CDH22: variants seen among roughly 807,000 people sequenced by gnomAD.
The protein encoded by CDH22 is cadherin 22, also known as cadherin-22.
In CDH22, 30 loss-of-function variants were observed where a neutral mutation model predicts 58.4. That is an observed-to-expected ratio of 0.51 (90% CI 0.38 to 0.70). CDH22 has a LOEUF of 0.70. Ranked by LOEUF, CDH22 falls within the 30% of genes least tolerant of loss-of-function variation. CDH22 has a pLI of 0.00. For missense variants in CDH22, 1,014 were observed against 1,233.9 expected (o/e 0.82, Z 2.67); for synonymous variants, 513 against 558.2 (o/e 0.92, Z 1.14).
At chr20:46,277,651 G>A (rs6032742) in intron 1 of CDH22, among the ~76,000 whole-genome samples, 10 of 152,144 alleles carry the variant, frequency 6.6e-5, no homozygotes, top group African/African-American at 2.2e-4. Context: ...AGGGGGGTGA[G>A]TTTGGAGGAG....
intron 1 of CDH22, among the ~76,000 whole-genome samples, chr20:46,266,180 C>T (rs994139392): frequency 1.3e-5 from 2 of 152,202 alleles, no homozygotes; most frequent in Non-Finnish European, 2.9e-5. Flanking sequence ...GTCCTTTGTC[C>T]TCACACATCC....
chr20:46,306,539 C>T (rs1261907238), intron 1 of CDH22, among the ~76,000 whole-genome samples: 1 of 152,196 alleles, frequency 6.6e-6, no homozygotes, highest in Non-Finnish European at 1.5e-5. Flanking sequence ...GAAGGGCACA[C>T]AGACATCTCC....
At chr20:46,271,631 G>C (rs1209230552) in intron 1 of CDH22, among the ~76,000 whole-genome samples, 1 of 151,894 alleles carries the variant, frequency 6.6e-6, no homozygotes, top group East Asian at 1.9e-4. Flanking sequence ...TGACTGCCAT[G>C]TTGCTAAATC....
intron 1 of CDH22, among the ~76,000 whole-genome samples, chr20:46,285,172 G>C (rs896650455): frequency 1.3e-5 from 2 of 152,244 alleles, no homozygotes; most frequent in African/African-American, 4.8e-5. Context: ...CTGTGGACCA[G>C]GTTGCAGCAT....
intron 3 of CDH22, among the ~76,000 whole-genome samples, chr20:46,229,223 A>G (rs1053147187): frequency 6.6e-6 from 1 of 151,706 alleles, no homozygotes; most frequent in East Asian, 2.0e-4. Context: ...CTCATGACAC[A>G]CTGGCTTCAC....
At chr20:46,245,744 A>T (rs2086323734) in intron 2 of CDH22, among the ~76,000 whole-genome samples, 1 of 152,238 alleles carries the variant, frequency 6.6e-6, no homozygotes, top group South Asian at 2.1e-4. Flanking sequence ...CTTAAATCCC[A>T]GGTACAGATG....
intron 8 of CDH22, among the ~76,000 whole-genome samples, chr20:46,196,952 G>C (rs1031845557): frequency 1.3e-5 from 2 of 152,126 alleles, no homozygotes; most frequent in Non-Finnish European, 2.9e-5. Context: ...GTGAGGAGTG[G>C]GCAGGGGCTG....
chr20:46,270,957 C>T (rs371574434), intron 1 of CDH22, among the ~76,000 whole-genome samples: 1 of 152,296 alleles, frequency 6.6e-6, no homozygotes, highest in South Asian at 2.1e-4. Context: ...GAACAGGAAT[C>T]CCAGGTTCGT....
chr20:46,241,028 T>C lies in CDH22; in HGVS notation c.485A>G (p.Asn162Ser), dbSNP rs1161407054. Residue 162 changes from asparagine (N) to serine (S), a missense_variant, in exon 3 of 12, where the codon AAT becomes AGT. Around this residue, in one of 2 missense-constraint regions of CDH22, gnomAD observed 806 missense variants for 1,038.7 expected, o/e 0.78. Transcript: ENST00000537909. The surrounding 1 kb of genome is among the most constrained non-coding windows in gnomAD (Gnocchi z 5.2). ...SEFIIKVQDI[N>S]DSEPRFLHGP... ...GTGCAGGAAGCGGGGCTCACTGTCATTGATGTCCTGCACCTTGATGATGAA... is the reference window on the plus strand; with the variant it reads ...GTGCAGGAAGCGGGGCTCACTGTCACTGATGTCCTGCACCTTGATGATGAA... The C allele has an allele frequency of 1.9e-6, 3 of 1,614,052 alleles. No homozygotes were observed. The highest frequency in any genetic ancestry group is 2.5e-6 in the Non-Finnish European group (3 of 1,179,978).
intron 1 of CDH22, among the ~76,000 whole-genome samples, chr20:46,269,773 G>A (rs1040139134): frequency 6.6e-6 from 1 of 152,170 alleles, no homozygotes; most frequent in Non-Finnish European, 1.5e-5. Context: ...CTTGGGCTGG[G>A]GGCCTGAGGT....
chr20:46,267,600 T>C (rs2086467235), intron 1 of CDH22, among the ~76,000 whole-genome samples: 2 of 152,250 alleles, frequency 1.3e-5, no homozygotes, highest in Non-Finnish European at 2.9e-5. Context: ...TGCAGCTGAA[T>C]GGCGTCTCCC....
chr20:46,269,320 G>A (rs1362297825), intron 1 of CDH22, among the ~76,000 whole-genome samples: 3 of 152,164 alleles, frequency 2.0e-5, no homozygotes, highest in Non-Finnish European at 2.9e-5. Context: ...TCATTTTCCT[G>A]ATGGAGAGAG....
intron 5 of CDH22, among the ~76,000 whole-genome samples, chr20:46,215,995 G>A (rs986223040): frequency 9.9e-5 from 15 of 152,102 alleles, no homozygotes; most frequent in East Asian, 9.7e-4. Flanking sequence ...ATGATGCTGC[G>A]CTCTCAGCTA....
At chr20:46,208,686 C>T (rs968307406) in intron 7 of CDH22, among the ~76,000 whole-genome samples, 3 of 152,162 alleles carry the variant, frequency 2.0e-5, no homozygotes, top group East Asian at 3.8e-4. Flanking sequence ...CCCCTGCCTC[C>T]GGGTTCAAGC....
chr20:46,289,893 T>C (rs143629967), intron 1 of CDH22, among the ~76,000 whole-genome samples: 23 of 152,210 alleles, frequency 1.5e-4, no homozygotes, highest in Admixed American at 1.5e-3. Flanking sequence ...CTTGGCTTCA[T>C]GTTTGAGGCT....
intron 1 of CDH22, among the ~76,000 whole-genome samples, chr20:46,264,742 C>A (rs1422038622): frequency 1.3e-5 from 2 of 152,108 alleles, no homozygotes; most frequent in East Asian, 3.9e-4. Flanking sequence ...CGCTACTTGA[C>A]GTGACTTAAC....
At chr20:46,227,176 C>T (rs540833464) in intron 4 of CDH22, among the ~76,000 whole-genome samples, 5 of 152,342 alleles carry the variant, frequency 3.3e-5, no homozygotes, top group South Asian at 2.1e-4. Flanking sequence ...CCTGCTTCAA[C>T]TTAGCTCCAA....
At chr20:46,196,325 A>G (rs1297182028) in intron 8 of CDH22, among the ~76,000 whole-genome samples, 2 of 151,524 alleles carry the variant, frequency 1.3e-5, no homozygotes, top group Non-Finnish European at 2.9e-5. Flanking sequence ...CCCAGGCTGG[A>G]GCGCAGGGGC....
chr20:46,210,145 T>C lies in CDH22; in HGVS notation c.1286+162A>G. 3.0e-6 allele frequency: 2 copies of C among 674,250 alleles called. No homozygotes were observed. The highest frequency in any genetic ancestry group is 4.4e-6 in the Non-Finnish European group (2 of 451,654). 41.8% of individuals were successfully genotyped at this position (674,250 alleles called of 1,614,324 possible). A position where few individuals can be genotyped will look rare whatever the true frequency, so the allele number is the denominator to read the frequency against. On this transcript the variant is annotated intron_variant, in intron 7 of 11. Transcript: ENST00000537909. The surrounding 1 kb of genome is among the most constrained non-coding windows in gnomAD (Gnocchi z 4.5). The stretch of plus-strand genomic sequence containing the variant: ...CCTTGGCTCTTTGGCTCCGTGCCTG[T>C]TTCTCTCCACCCGTGCGCCTCTCTC...
Sources: allele counts gnomAD v4.1 joint callset (sites outside exome capture counted in the v4.1 genomes callset), GRCh38; gene constraint gnomAD v4.1.1; regional missense constraint gnomAD v4.1.1; non-coding constraint Gnocchi (gnomAD v3.1); transcripts MANE v1.5; gene names NCBI Gene and HGNC (gene_info 2026-07-23, HGNC 2026-07-21).